Variants in TTN observed in about 807,000 individuals in gnomAD.
TTN encodes connectin.
A neutral mutation model predicts 3,223.0 loss-of-function variants in TTN; 1,525 were observed. The observed-to-expected ratio is 0.47, with a 90% CI of 0.45 to 0.49. The LOEUF (loss-of-function observed/expected upper bound fraction) is 0.49. Among genes scored for constraint, TTN ranks in the 20% least tolerant of loss-of-function variants. The probability of loss-of-function intolerance (pLI) is 0.00; values close to 1 mark genes in which losing one functional copy is unlikely to be tolerated. For missense variants in TTN, 40,786 were observed against 43,424.0 expected, an observed-to-expected ratio of 0.94 and a Z score of 5.40; for synonymous variants, 14,094 against 15,161.0, an observed-to-expected ratio of 0.93 and a Z score of 5.17.
intron 158 of TTN, 40 bp downstream of exon 158, chr2:178,669,552 C>T (rs371373171): frequency 6.2e-7 from 1 of 1,608,024 alleles, no homozygotes; most frequent in Admixed American, 1.7e-5. Flanking sequence ...AAAAACTAAA[C>T]CAAGAATTAT....
rs1253051189 is a variant in TTN, at chr2:178,722,862, A to G, written c.22037T>C (p.Val7346Ala). The change falls in exon 76 of 363, where the codon GTT (valine) becomes GCT (alanine). Residue 7346 changes from valine (V) to alanine (A), a missense_variant. Coordinates refer to ENST00000589042, the MANE Select transcript of TTN (RefSeq NM_001267550.2). ...VGDSVSLQCQVAGTPEITVSW... is the reference protein window; with the variant it reads ...VGDSVSLQCQAAGTPEITVSW... ...CACTGTAATTTCTGGTGTCCCAGCAACTTGGCATTGTAAAGAAACCGAATC... is the reference window on the plus strand; with the variant it reads ...CACTGTAATTTCTGGTGTCCCAGCAGCTTGGCATTGTAAAGAAACCGAATC... 4 of 1,613,076 alleles carry G rather than the reference A, an allele frequency of 2.5e-6. No individual in the cohort carries two copies. In the African/African-American group the frequency reaches 5.3e-5, roughly 22 times the overall value.
intron 326 of TTN, 104 bp from the exon 327 acceptor site, chr2:178,558,741 T>A: frequency 8.0e-7 from 1 of 1,243,670 alleles, no homozygotes; most frequent in Non-Finnish European, 1.1e-6. Context: ...GAAGGCCATA[T>A]TTTTATGTTG....
Position 178,782,420 on chromosome 2 carries a change from C to G in TTN, c.3172G>C (p.Glu1058Gln), listed in dbSNP as rs2092860918. 6.2e-7 allele frequency: 1 copy of G among 1,614,036 alleles called. No homozygotes were observed. The highest frequency in any genetic ancestry group is 8.5e-7 in the Non-Finnish European group (1 of 1,179,984). Residue 1058 changes from glutamate to glutamine, a missense_variant, in exon 20 of 363, where the codon GAG (glutamate) becomes CAG (glutamine). Physicochemically the swap from Glu to Gln is conservative, Grantham distance 29. Transcript: ENST00000589042. ...TCAGTCATAACCACATCTCTTGACT[C>G]AACAAAGCTGGAAAGAGAATTCCCC... ...KFTTEEKRFV[E>Q]SRDVVMTDTS...
chr2:178,663,874 G>C lies in TTN; in HGVS notation c.36393C>G (p.Arg12131=), dbSNP rs555029471. 6.2e-7 allele frequency: 1 copy of C among 1,612,754 alleles called. No individual in the cohort carries two copies. The highest frequency in any genetic ancestry group is 8.5e-7 in the Non-Finnish European group (1 of 1,179,652). The change falls in exon 170 of 363, where the codon CGC becomes CGG. Residue 12131 remains arginine (R), a synonymous_variant. Transcript: ENST00000589042. ...KVPEASKEVI[R]EEKVPLAPPK... is the part of the protein sequence containing the mutation. ...GAGGAGCCAAGGGCACTTTCTCTTC[G>C]CGGATAACCTCTTTGGAAGCTTCTG...
At chr2:178,604,539 T>G (rs546220104) in intron 281 of TTN, among the ~76,000 whole-genome samples, 169 bp downstream of exon 281, 2 of 152,108 alleles carry the variant, frequency 1.3e-5, no homozygotes, top group East Asian at 3.9e-4. Flanking sequence ...TCAAACGCTA[T>G]GTACTAAGGA....
Position 178,533,085 on chromosome 2 carries a change from A to G in TTN, c.103530T>C (p.Tyr34510=), listed in dbSNP as rs767825477. Residue 34510 remains tyrosine (Y), a synonymous_variant, in exon 358 of 363, where the codon TAT becomes TAC. Transcript: ENST00000589042. ...CAGTCTTGGTGCTTACAGCCGGTTT[A>G]TAAAGGACAGCAGCTTCTCTCAGAG... ...KEALREAAVL[Y]KPAVSTKTVK... The G allele has an allele frequency of 5.0e-6, 8 of 1,613,896 alleles. No homozygotes were observed. Among genetic ancestry groups the G allele is most frequent in the Non-Finnish European group, 6.8e-6 (8 of 1,179,864 alleles).
At position 178,786,009 on chromosome 2, in the gene TTN, A is replaced by T. The variant is rs770604371; in HGVS notation, c.2209T>A (p.Tyr737Asn). Residue 737 changes from tyrosine to asparagine, a missense_variant, in exon 14 of 363, where the codon TAT (tyrosine) becomes AAT (asparagine). Coordinates refer to ENST00000589042, the MANE Select transcript of TTN (RefSeq NM_001267550.2). ...TTTGCGGCGGAAATGCGTTCCTTAT[A>T]TCCGTACTCCAAAGTGGTCTGCTGA... ...YAQQTTLEYG[Y>N]KERISAAKVA... 1 of 1,614,046 alleles carries T rather than the reference A, an allele frequency of 6.2e-7. No homozygotes were observed. Among genetic ancestry groups the T allele is most frequent in the Non-Finnish European group, 8.5e-7 (1 of 1,179,972 alleles).
chr2:178,612,111 T>G lies in TTN; in HGVS notation c.50300A>C (p.His16767Pro), dbSNP rs373892279. The part of the protein sequence containing the change: ...ALAVVDVTKR[H>P]VDLKWEPPKN... ...AGGTGGCTCCCACTTTAGGTCAACA[T>G]GTCGTTTTGTCACATCAACCACTGC... is the stretch of plus-strand genomic sequence containing the variant. The change falls in exon 267 of 363, where the codon CAT becomes CCT. Residue 16767 changes from histidine (H) to proline (P), a missense_variant. Physicochemically the swap from His to Pro is moderately conservative, Grantham distance 77. Coordinates refer to ENST00000589042, the MANE Select transcript of TTN (RefSeq NM_001267550.2). 6.2e-7 allele frequency: 1 copy of G among 1,611,918 alleles called. No individual in the cohort carries two copies. The highest frequency in any genetic ancestry group is 8.5e-7 in the Non-Finnish European group (1 of 1,178,998).
rs757293293 is a variant in TTN at position 178,718,740 on chromosome 2, T to C, written c.24460A>G (p.Asn8154Asp). 2 of 1,613,794 alleles carry C rather than the reference T, an allele frequency of 1.2e-6. No individual in the cohort carries two copies. The highest frequency in any genetic ancestry group is 3.3e-5 in the Admixed American group (2 of 60,014). The change falls in exon 84 of 363, where the codon AAT becomes GAT. Residue 8154 changes from asparagine to aspartate, a missense_variant. Transcript: ENST00000589042. ...ESGDYSCLVT[N>D]DAGSASCTTH... is the part of the protein sequence containing the mutation. ...GTACAGGAAGCACTGCCAGCATCATTTGTAACGAGGCAAGAATAGTCTCCA... is the reference window on the plus strand; with the variant it reads ...GTACAGGAAGCACTGCCAGCATCATCTGTAACGAGGCAAGAATAGTCTCCA...
chr2:178,585,525 T>C (rs2048733452), intron 308 of TTN, among the ~76,000 whole-genome samples, 178 bp from the exon 309 acceptor site: 1 of 152,042 alleles, frequency 6.6e-6, no homozygotes, highest in African/African-American at 2.4e-5. Context: ...ACATGTGCCA[T>C]GGTGATTTGC....
intron 213 of TTN, 78 bp from the exon 214 acceptor site, chr2:178,647,542 AG>A (rs1216146322): frequency 7.4e-7 from 1 of 1,359,454 alleles, no homozygotes; most frequent in Non-Finnish European, 1.0e-6. Flanking sequence ...CAAAGAATGC[AG>A]GGGCAAGAGC....
At position 178,591,845 on chromosome 2, in the gene TTN, T is replaced by C; in HGVS notation, c.59974A>G (p.Thr19992Ala). 1 of 1,613,254 alleles carries C rather than the reference T, an allele frequency of 6.2e-7. No homozygotes were observed. Among genetic ancestry groups the C allele is most frequent in the South Asian group, 1.1e-5 (1 of 91,062 alleles). ...TTATTCCAGACTAGGGAGACTTCAGTCTTGTCAACATCTACATGGTGCAGG... is the reference window on the plus strand; with the variant it reads ...TTATTCCAGACTAGGGAGACTTCAGCCTTGTCAACATCTACATGGTGCAGG... The part of the protein sequence containing the change: ...KDLHHVDVDK[T>A]EVSLVWNKPD... Residue 19992 changes from threonine to alanine, a missense_variant, in exon 303 of 363, where the codon ACT (threonine) becomes GCT (alanine). Physicochemically the swap from Thr to Ala is moderately conservative, Grantham distance 58. Transcript: ENST00000589042.
chr2:178,554,971 T>C lies in TTN; in HGVS notation c.88488A>G (p.Ala29496=), dbSNP rs777670605. The C allele has an allele frequency of 1.1e-5, 17 of 1,613,774 alleles. No homozygotes were observed. Among genetic ancestry groups the C allele is most frequent in the Non-Finnish European group, 1.4e-5 (17 of 1,179,808 alleles). Residue 29496 remains alanine (A), a synonymous_variant, in exon 331 of 363, where the codon GCA becomes GCG. Transcript: ENST00000589042. ...GATCGGCATCTTTGATGAGTATAGA[T>C]GCGAGGTCCGTGGTATTTTCAACAC... is the stretch of plus-strand genomic sequence containing the variant. ...LVCVENTTDL[A]SILIKDADRL...
chr2:178,670,283 G>A lies in TTN; in HGVS notation c.35321C>T (p.Pro11774Leu). 6.7e-7 allele frequency: 1 copy of A among 1,484,580 alleles called. No individual in the cohort carries two copies. The highest frequency in any genetic ancestry group is 8.9e-7 in the Non-Finnish European group (1 of 1,122,748). 92.0% of individuals were successfully genotyped at this position (1,484,580 alleles called of 1,614,324 possible). A position where few individuals can be genotyped will look rare whatever the true frequency, so the allele number is the denominator to read the frequency against. ...KEPPAKVPEV[P>L]KKIVVEEKVR... Reference sequence around the variant, plus strand: ...TTTTTCTTCTACCACAATTTTCTTAGGCACCTCCGGTACTTTAAAGATAAT... The same window carrying A: ...TTTTTCTTCTACCACAATTTTCTTAAGCACCTCCGGTACTTTAAAGATAAT... Residue 11774 changes from proline (P) to leucine (L), a missense_variant, in exon 157 of 363, where the codon CCT becomes CTT. Coordinates refer to ENST00000589042, the MANE Select transcript of TTN (RefSeq NM_001267550.2).
intron 309 of TTN, 51 bp downstream of exon 309, chr2:178,585,021 A>G: frequency 2.5e-6 from 4 of 1,604,532 alleles, no homozygotes; most frequent in Non-Finnish European, 3.4e-6. Context: ...ATACGTAAAA[A>G]TATTTCTGAG....
Position 178,565,362 on chromosome 2 carries a change from T to G in TTN, c.80770A>C (p.Thr26924Pro). 1.2e-6 allele frequency: 2 copies of G among 1,613,650 alleles called. No homozygotes were observed. The highest frequency in any genetic ancestry group is 1.7e-6 in the Non-Finnish European group (2 of 1,179,676). The change falls in exon 326 of 363, where the codon ACA becomes CCA. Residue 26924 changes from threonine to proline, a missense_variant. Transcript: ENST00000589042. ...VKDGEPLKQT[T>P]RVNVEETATS... ...GCTGTTTCTTCAACGTTTACTCTTG[T>G]TGTCTGTTTAAGAGGCTCACCATCT...
Position 178,775,762 on chromosome 2 carries a change from T to A in TTN, c.6102A>T (p.Thr2034=). ...TGGTCCAGTGGAGAAGTTCATCTTT[T>A]GTCTTCCTGAGGAGTTCCTCATAGG... The part of the protein sequence containing the change: ...DESYEELLRK[T]KDELLHWTKE... The change falls in exon 28 of 363, where the codon ACA becomes ACT. Residue 2034 remains threonine, a synonymous_variant. Transcript: ENST00000589042. 6.2e-7 allele frequency: 1 copy of A among 1,613,866 alleles called. No homozygotes were observed. The highest frequency in any genetic ancestry group is 8.5e-7 in the Non-Finnish European group (1 of 1,179,954).
intron 234 of TTN, 21 bp from the exon 235 acceptor site, chr2:178,632,813 A>G (rs764162412): frequency 1.9e-6 from 3 of 1,612,860 alleles, no homozygotes; most frequent in Admixed American, 3.3e-5. Context: ...TGGACAGTGG[A>G]TGAAGTCAGA....
Position 178,611,890 on chromosome 2 carries a change from G to T in TTN, c.50419C>A (p.Pro16807Thr), listed in dbSNP as rs1294894885. The change falls in exon 268 of 363, where the codon CCT becomes ACT. Residue 16807 changes from proline to threonine, a missense_variant. Transcript: ENST00000589042. ...RWVKAGKTAG[P>T]DCNFRVTDVI... The stretch of plus-strand genomic sequence containing the variant: ...TCAGTTACTCTGAAGTTACAGTCAG[G>T]TCCTGCAGTCTTTCCAGCTTTCACC... The T allele has an allele frequency of 6.2e-7, 1 of 1,612,786 alleles. No homozygotes were observed. Among genetic ancestry groups the T allele is most frequent in the Admixed American group, 1.7e-5 (1 of 59,944 alleles).
Sources: gnomAD v4.1 joint callset for allele counts (sites outside exome capture counted in the v4.1 genomes callset) on GRCh38, gnomAD v4.1.1 for gene constraint, MANE v1.5 for transcripts, NCBI Gene and HGNC (gene_info 2026-07-23, HGNC 2026-07-21) for gene names.